GALNTL6: variants seen among roughly 807,000 people sequenced by gnomAD.
GALNTL6 encodes the protein polypeptide N-acetylgalactosaminyltransferase-like 6.
A neutral mutation model predicts 73.7 loss-of-function variants in GALNTL6; 46 were observed. The ratio of observed to expected loss-of-function variants is 0.62; its 90% CI spans 0.49 to 0.80. The LOEUF (loss-of-function observed/expected upper bound fraction) is 0.80. Ranked by LOEUF, GALNTL6 falls within the 30% of genes least tolerant of loss-of-function variation. The pLI, the probability that GALNTL6 is intolerant of heterozygous loss-of-function variation, is 0.00. For missense variants in GALNTL6, 604 were observed against 755.0 expected (o/e 0.80, Z 2.34); for synonymous variants, 259 against 263.7 (o/e 0.98, Z 0.17).
intron 5 of GALNTL6, among the ~76,000 whole-genome samples, chr4:172,739,553 A>C (rs1405329278): frequency 6.6e-6 from 1 of 152,192 alleles, no homozygotes; most frequent in Non-Finnish European, 1.5e-5. Flanking sequence ...AGCTTATCTC[A>C]ATCATTAAAC....
chr4:172,576,643 G>A (rs1253532589), intron 5 of GALNTL6, among the ~76,000 whole-genome samples: 1 of 152,106 alleles, frequency 6.6e-6, no homozygotes, highest in Non-Finnish European at 1.5e-5. Context: ...CAGAACTGTT[G>A]AGGGGATTGA....
intron 3 of GALNTL6, among the ~76,000 whole-genome samples, chr4:172,308,376 G>A (rs1445064029): frequency 2.0e-5 from 3 of 151,890 alleles, no homozygotes; most frequent in Non-Finnish European, 4.4e-5. Context: ...GAAAAGAAGT[G>A]GTGAAAGTGG....
intron 4 of GALNTL6, among the ~76,000 whole-genome samples, chr4:172,345,178 G>A (rs1741698713): frequency 6.6e-6 from 1 of 151,422 alleles, no homozygotes; most frequent in Admixed American, 6.6e-5. Flanking sequence ...TTGTCACACA[G>A]GCAGTAAATG....
Position 171,896,787 on chromosome 4 carries a change from T to A in GALNTL6, c.138+82069T>A, listed in dbSNP as rs138512598. On this transcript the variant is annotated intron_variant, in intron 2 of 12. Coordinates refer to ENST00000506823, the MANE Select transcript of GALNTL6 (RefSeq NM_001034845.3). ...TTGAGGGGGACAAAAACATTCAGTC[T>A]GCATCAACTGTGAAAATTAAGTATG... 4.0e-3 allele frequency among the ~76,000 whole-genome samples: 604 copies of A among 152,280 alleles called. 2 individuals carry two copies. The highest frequency in any genetic ancestry group is 0.014 in the African/African-American group (566 of 41,558).
chr4:172,669,727 G>C (rs1198836706), intron 5 of GALNTL6, among the ~76,000 whole-genome samples: 1 of 144,542 alleles, frequency 6.9e-6, no homozygotes, highest in African/African-American at 2.6e-5. Context: ...AGGTAAACTT[G>C]TGCCATGGGG....
intron 5 of GALNTL6, among the ~76,000 whole-genome samples, chr4:172,514,480 G>T (rs1181577037): frequency 1.3e-5 from 2 of 152,150 alleles, no homozygotes; most frequent in Non-Finnish European, 2.9e-5. Context: ...GAGCAGGGCT[G>T]GGACTTTGCC....
chr4:172,916,645 C>A (rs1316497704), intron 8 of GALNTL6, among the ~76,000 whole-genome samples: 1 of 152,108 alleles, frequency 6.6e-6, no homozygotes, highest in African/African-American at 2.4e-5. Context: ...CTCCCATTCA[C>A]AATTGCTTCA....
chr4:172,216,586 T>A (rs1167036883), intron 2 of GALNTL6, among the ~76,000 whole-genome samples: 1 of 152,190 alleles, frequency 6.6e-6, no homozygotes, highest in Non-Finnish European at 1.5e-5. Context: ...TTCTTGGATC[T>A]TTGGTTTTGT....
chr4:172,377,829 A>G (rs1189013331), intron 5 of GALNTL6, among the ~76,000 whole-genome samples: 1 of 152,022 alleles, frequency 6.6e-6, no homozygotes, highest in African/African-American at 2.4e-5. Context: ...GGCCGCTCTG[A>G]GTGCGGGGCC....
intron 5 of GALNTL6, among the ~76,000 whole-genome samples, chr4:172,433,232 A>G (rs1011946975): frequency 6.6e-6 from 1 of 151,986 alleles, no homozygotes; most frequent in African/African-American, 2.4e-5. Context: ...AAGCTTCCCT[A>G]CTCAGCTTCA....
At chr4:172,432,062 G>A (rs335972) in intron 5 of GALNTL6, among the ~76,000 whole-genome samples, 126,012 of 152,034 alleles carry the variant, frequency 0.83, 52,612 homozygotes, top group Non-Finnish European at 0.88. Flanking sequence ...AAATAAAATA[G>A]CGCTTTCTAG....
chr4:172,239,020 T>A (rs889611501), intron 3 of GALNTL6, among the ~76,000 whole-genome samples: 1 of 152,124 alleles, frequency 6.6e-6, no homozygotes, highest in Non-Finnish European at 1.5e-5. Flanking sequence ...TTATTAAGGA[T>A]TTTTGCATCT....
At chr4:171,910,867 C>T (rs1208313039) in intron 2 of GALNTL6, among the ~76,000 whole-genome samples, 1 of 152,082 alleles carries the variant, frequency 6.6e-6, no homozygotes, top group Non-Finnish European at 1.5e-5. Context: ...TATAAACATG[C>T]AGAATTTGTA....
intron 2 of GALNTL6, among the ~76,000 whole-genome samples, chr4:172,053,094 A>C (rs547231926): frequency 3.3e-5 from 5 of 152,242 alleles, no homozygotes; most frequent in Admixed American, 2.6e-4. Context: ...AATAAATACA[A>C]CTAAGGCTGA....
At chr4:172,542,660 T>C (rs1376166992) in intron 5 of GALNTL6, among the ~76,000 whole-genome samples, 1 of 152,188 alleles carries the variant, frequency 6.6e-6, no homozygotes, top group Non-Finnish European at 1.5e-5. Context: ...CTGCCTATCA[T>C]GGCGAGAACT....
rs926264659 is a variant in GALNTL6, at chr4:172,594,482, A to T, written c.554-214879A>T. On this transcript the variant is annotated intron_variant, in intron 5 of 12. Transcript: ENST00000506823. ...CACTTTTATAGTAATATTTCCATAA[A>T]GTATGGAAAATTCAGCTTTATAATT... 5.3e-5 allele frequency among the ~76,000 whole-genome samples: 8 copies of T among 152,222 alleles called. No homozygotes were observed. The South Asian group carries it at 1.7e-3, about 32-fold the overall frequency.
chr4:172,858,601 G>A (rs1033364781), intron 7 of GALNTL6, among the ~76,000 whole-genome samples: 15 of 152,126 alleles, frequency 9.9e-5, no homozygotes, highest in Admixed American at 9.8e-4. Flanking sequence ...AGGCCGAGGT[G>A]GGTGGATCAC....
chr4:172,584,139 A>G (rs1293864997), intron 5 of GALNTL6, among the ~76,000 whole-genome samples: 2 of 152,118 alleles, frequency 1.3e-5, no homozygotes, highest in Admixed American at 1.3e-4. Context: ...ATTGCAAAAA[A>G]AAAAATGGAG....
intron 5 of GALNTL6, among the ~76,000 whole-genome samples, chr4:172,423,528 A>G (rs1225386001): frequency 6.6e-6 from 1 of 152,038 alleles, no homozygotes; most frequent in Non-Finnish European, 1.5e-5. Context: ...CTTCTCCTAA[A>G]TATCCTGATA....
Sources: gnomAD v4.1 joint callset for allele counts (sites outside exome capture counted in the v4.1 genomes callset) on GRCh38, gnomAD v4.1.1 for gene constraint, MANE v1.5 for transcripts, NCBI Gene and HGNC (gene_info 2026-07-23, HGNC 2026-07-21) for gene names.